The following COL11A1 variants were observed in gnomAD, a reference collection of about 807,000 sequenced individuals.
The protein encoded by COL11A1 is collagen type XI alpha 1 chain.
In COL11A1, 74 loss-of-function variants were observed where a neutral mutation model predicts 265.2. That is an observed-to-expected ratio of 0.28 (90% CI 0.23 to 0.34). COL11A1 has a LOEUF of 0.34. Ranked by LOEUF, COL11A1 falls within the 10% of genes least tolerant of loss-of-function variation. The pLI is 1.00. For synonymous variants in COL11A1, 816 were observed against 727.6 expected (o/e 1.12, Z -1.96); for missense variants, 2,165 against 2,263.6 (o/e 0.96, Z 0.88).
chr1:102,922,715 C>A (rs1322142053), intron 47 of COL11A1, among the ~76,000 whole-genome samples: 2 of 152,082 alleles, frequency 1.3e-5, no homozygotes, highest in Non-Finnish European at 2.9e-5. Flanking sequence ...GTTTTTTATG[C>A]ATTTCTTATA....
chr1:103,048,000 T>G (rs2102103702), intron 4 of COL11A1, among the ~76,000 whole-genome samples: 1 of 152,318 alleles, frequency 6.6e-6, no homozygotes, highest in East Asian at 1.9e-4. Context: ...CTGGATTCAG[T>G]TTGCCAGTAT....
chr1:103,024,761 A>G (rs971976196), intron 7 of COL11A1, among the ~76,000 whole-genome samples: 3 of 152,130 alleles, frequency 2.0e-5, no homozygotes, highest in African/African-American at 4.8e-5. Flanking sequence ...ACATAAATCT[A>G]TTTGCCTAAT....
chr1:102,964,873 T>G (rs1267763566), intron 38 of COL11A1, among the ~76,000 whole-genome samples: 1 of 152,222 alleles, frequency 6.6e-6, no homozygotes, highest in African/African-American at 2.4e-5. Context: ...CATGAATTAC[T>G]CTTTGTAGTT....
chr1:103,020,937 A>G (rs1479438854), intron 9 of COL11A1, among the ~76,000 whole-genome samples: 1 of 140,412 alleles, frequency 7.1e-6, no homozygotes, highest in Non-Finnish European at 1.6e-5. Context: ...CTGTTCTGTC[A>G]ATGGAACAGA....
At chr1:103,058,620 A>C (rs182231223) in intron 4 of COL11A1, among the ~76,000 whole-genome samples, 1 of 152,204 alleles carries the variant, frequency 6.6e-6, no homozygotes, top group Admixed American at 6.5e-5. Context: ...GAACACACAT[A>C]GGTCATTGTG....
intron 4 of COL11A1, among the ~76,000 whole-genome samples, chr1:103,041,099 G>A (rs1367091825): frequency 6.6e-6 from 1 of 151,694 alleles, no homozygotes; most frequent in Non-Finnish European, 1.5e-5. Context: ...TCATTGTGAA[G>A]GTCAAATATG....
rs144405177 is a variant in COL11A1 at position 102,968,448 on chromosome 1, C to G, written c.2862+1771G>C. ...CACCAGGAAAAATTGGGAATAGTTT[C>G]TATTATACTGAAACAACCCAAATGA... On this transcript the variant is annotated intron_variant, in intron 37 of 66. Coordinates refer to ENST00000370096, the MANE Select transcript of COL11A1 (RefSeq NM_001854.4). 3.9e-5 allele frequency among the ~76,000 whole-genome samples: 6 copies of G among 152,148 alleles called. No individual in the cohort carries two copies. In the East Asian group the frequency reaches 1.2e-3, roughly 29 times the overall value.
intron 54 of COL11A1, among the ~76,000 whole-genome samples, chr1:102,905,322 A>T (rs1653824676): frequency 6.6e-6 from 1 of 151,384 alleles, no homozygotes; most frequent in Non-Finnish European, 1.5e-5. Flanking sequence ...ATGTATACAT[A>T]TGTAACAAAC....
chr1:103,008,690 C>A (rs1413651855), intron 14 of COL11A1, among the ~76,000 whole-genome samples, 174 bp from the exon 15 acceptor site: 1 of 152,188 alleles, frequency 6.6e-6, no homozygotes, highest in Non-Finnish European at 1.5e-5. Context: ...AAATATATCT[C>A]TTCTCAATGT....
chr1:102,996,397 T>C (rs1334711520), intron 26 of COL11A1, among the ~76,000 whole-genome samples: 1 of 151,966 alleles, frequency 6.6e-6, no homozygotes, highest in African/African-American at 2.4e-5. Context: ...TAAAAGACAG[T>C]TATTGAAAAA....
chr1:103,108,352 G>T lies in COL11A1; in HGVS notation c.-174C>A. ...AAATTTGATGGTTTGCGTTCTTCGT[G>T]TCTCTAGCCCTTTCCTCTCCCTCTG... On this transcript the variant is annotated 5_prime_UTR_variant, in exon 1 of 67. Coordinates refer to ENST00000370096, the MANE Select transcript of COL11A1 (RefSeq NM_001854.4). 1.5e-6 allele frequency: 1 copy of T among 670,032 alleles called. No individual in the cohort carries two copies. Among genetic ancestry groups the T allele is most frequent in the South Asian group, 1.7e-5 (1 of 60,408 alleles). The allele number at this position is 670,032 out of a possible 1,614,324, so 41.5% of individuals were successfully genotyped here.
intron 30 of COL11A1, among the ~76,000 whole-genome samples, chr1:102,986,889 C>G (rs1196789723): frequency 6.6e-6 from 1 of 152,066 alleles, no homozygotes; most frequent in Non-Finnish European, 1.5e-5. Flanking sequence ...GATATTGTGT[C>G]AAGCCCAGAT....
At chr1:103,001,244 A>C in intron 24 of COL11A1, 1 of 397,476 alleles carries the variant, frequency 2.5e-6, no homozygotes. Flanking sequence ...ACTTAAAACA[A>C]GGGAATATTT....
At chr1:102,935,743 T>A (rs1658070255) in intron 44 of COL11A1, among the ~76,000 whole-genome samples, 1 of 152,208 alleles carries the variant, frequency 6.6e-6, no homozygotes, top group South Asian at 2.1e-4. Context: ...GGTTCAGGCA[T>A]TAAAGAAATA....
intron 14 of COL11A1, among the ~76,000 whole-genome samples, chr1:103,009,889 G>GA (rs530537770): frequency 1.5e-4 from 23 of 152,030 alleles, no homozygotes; most frequent in Non-Finnish European, 3.1e-4. Flanking sequence ...ACTTCTGCAA[G>GA]AAAAAAACTG....
chr1:103,067,252 A>G (rs1267473980), intron 4 of COL11A1, among the ~76,000 whole-genome samples: 7 of 151,966 alleles, frequency 4.6e-5, no homozygotes, highest in African/African-American at 1.7e-4. Flanking sequence ...ACCATATATC[A>G]AACCTCAATA....
At chr1:103,070,999 C>T (rs565633766) in intron 4 of COL11A1, among the ~76,000 whole-genome samples, 2 of 151,870 alleles carry the variant, frequency 1.3e-5, no homozygotes, top group South Asian at 2.1e-4. Context: ...TTTTTTCAGG[C>T]CTTGTACAGT....
intron 24 of COL11A1, among the ~76,000 whole-genome samples, chr1:102,999,413 ATAT>A (rs1664914946): frequency 6.6e-6 from 1 of 152,020 alleles, no homozygotes; most frequent in East Asian, 1.9e-4. Context: ...CCTTTAACTA[ATAT>A]TTATTTTGTG....
At position 103,108,165 on chromosome 1, in the gene COL11A1, G is replaced by C; in HGVS notation, c.14C>G (p.Ser5Cys). The C allele has an allele frequency of 1.2e-6, 2 of 1,613,540 alleles. No individual in the cohort carries two copies. The highest frequency in any genetic ancestry group is 1.7e-6 in the Non-Finnish European group (2 of 1,179,906). The change falls in exon 1 of 67, where the codon TCC becomes TGC. Residue 5 changes from serine (S) to cysteine (C), a missense_variant. Transcript: ENST00000370096. ...CCACCGTTTCGTTTTCCACCTAGAG[G>C]ACCACGGCTCCATCTCCGAGCCCCG... MEPW[S>C]SRWKTKRWLW... is the part of the protein sequence containing the mutation.
Sources: allele counts gnomAD v4.1 joint callset (sites outside exome capture counted in the v4.1 genomes callset), GRCh38; gene constraint gnomAD v4.1.1; transcripts MANE v1.5; gene names NCBI Gene and HGNC (gene_info 2026-07-23, HGNC 2026-07-21).